The following CACNA1G variants were observed in gnomAD, a reference collection of about 807,000 sequenced individuals.
CACNA1G encodes the protein voltage-dependent T-type calcium channel subunit alpha-1G.
In CACNA1G, 67 loss-of-function variants were observed where a neutral mutation model predicts 219.4. The observed-to-expected ratio is 0.31, with a 90% CI of 0.25 to 0.37. CACNA1G has a LOEUF of 0.37. CACNA1G is among the 10% of genes least tolerant of loss of function. CACNA1G has a pLI of 1.00. For synonymous variants in CACNA1G, 1,296 were observed against 1,345.3 expected (o/e 0.96, Z 0.80); for missense variants, 2,380 against 3,231.4 (o/e 0.74, Z 6.39).
In CACNA1G at chr17:50,601,186, G is replaced by A; in HGVS notation, c.3915+12G>A. ...ACCCCCACAGCGCTGTGAGTCACCA[G>A]CCCCGCTCAGGGCAAGGCCTCTCCT... On this transcript the variant is annotated intron_variant, in intron 19 of 37. Transcript: ENST00000359106. The A allele has an allele frequency of 6.2e-7, 1 of 1,613,320 alleles. No homozygotes were observed. The highest frequency in any genetic ancestry group is 8.5e-7 in the Non-Finnish European group (1 of 1,179,792).
chr17:50,597,043 C>T (rs2045710827), intron 16 of CACNA1G, 120 bp downstream of exon 16: 7 of 932,412 alleles, frequency 7.5e-6, no homozygotes, highest in Non-Finnish European at 1.1e-5. Context: ...TGGATGGGGC[C>T]TGGGTGTGCC....
chr17:50,594,928 C>T (rs185829524), intron 13 of CACNA1G, 65 bp from the exon 14 acceptor site: 21 of 1,246,422 alleles, frequency 1.7e-5, no homozygotes, highest in Admixed American at 1.2e-4. Context: ...TCGACACTGC[C>T]GATATCTGAA....
intron 33 of CACNA1G, 104 bp from the exon 34 acceptor site, chr17:50,619,579 T>C: frequency 9.1e-7 from 1 of 1,094,810 alleles, no homozygotes; most frequent in South Asian, 1.5e-5. Flanking sequence ...CACCTCTTTC[T>C]CCTCTGTTTC....
At chr17:50,593,622 G>T (rs2044842162) in intron 13 of CACNA1G, among the ~76,000 whole-genome samples, 1 of 152,250 alleles carries the variant, frequency 6.6e-6, no homozygotes. Flanking sequence ...GGCCCTGCTG[G>T]GGGCCTGGGA....
chr17:50,613,561 G>A (rs1215223235), intron 26 of CACNA1G, among the ~76,000 whole-genome samples: 3 of 152,188 alleles, frequency 2.0e-5, no homozygotes, highest in Non-Finnish European at 4.4e-5. Flanking sequence ...CTGGGGTGAC[G>A]GGGAGAGGAG....
rs1272810978 is a variant in CACNA1G at position 50,621,912 on chromosome 17, C to T, written c.6060+118C>T. The T allele has an allele frequency of 1.8e-6, 2 of 1,125,926 alleles. No individual in the cohort carries two copies. Among genetic ancestry groups the T allele is most frequent in the Non-Finnish European group, 1.3e-6 (1 of 780,792 alleles). The allele number at this position is 1,125,926 out of a possible 1,614,324, so 69.7% of individuals were successfully genotyped here. On this transcript the variant is annotated intron_variant, in intron 35 of 37. Transcript: ENST00000359106. The surrounding 1 kb of genome is among the most constrained non-coding windows in gnomAD (Gnocchi z 4.6). ...CCTCCTCTCAGTTTGCTGCCAGGCT[C>T]CACCCAGAGGCATCAACTGTCAGGA...
chr17:50,619,124 C>T (rs1167617989), intron 33 of CACNA1G, 116 bp downstream of exon 33: 1 of 776,554 alleles, frequency 1.3e-6, no homozygotes, highest in Non-Finnish European at 2.0e-6. Flanking sequence ...CTGGAGGCTC[C>T]CGCCCTCCGT....
At chr17:50,613,994 G>A (rs978746011) in intron 26 of CACNA1G, among the ~76,000 whole-genome samples, 3 of 152,242 alleles carry the variant, frequency 2.0e-5, no homozygotes, top group Non-Finnish European at 4.4e-5. Context: ...CATGCCTAAG[G>A]CGCAGCAGAG....
At chr17:50,572,252 T>C (rs985580511) in intron 5 of CACNA1G, among the ~76,000 whole-genome samples, 2 of 152,198 alleles carry the variant, frequency 1.3e-5, no homozygotes, top group Non-Finnish European at 2.9e-5. Context: ...TTCATTGCTC[T>C]GGGGCTCAGC....
chr17:50,575,442 A>G (rs1205866313), intron 7 of CACNA1G, 101 bp from the exon 8 acceptor site: 4 of 1,167,280 alleles, frequency 3.4e-6, no homozygotes, highest in Non-Finnish European at 4.8e-6. Flanking sequence ...AAAATAACTG[A>G]GCGTGGCGCT....
rs1035947326 is a variant in CACNA1G at position 50,572,114 on chromosome 17, G to A, written c.746+77G>A. 1.2e-5 allele frequency: 18 copies of A among 1,456,352 alleles called. No individual in the cohort carries two copies. In the African/African-American group the frequency reaches 1.5e-4, roughly 12 times the overall value. The allele number at this position is 1,456,352 out of a possible 1,614,324, so 90.2% of individuals were successfully genotyped here. ...GCACCCCCCCAAGTTCCTCACTTCCGGTTGCTACTGACATATCTGTTCTAA... is the reference window on the plus strand; with the variant it reads ...GCACCCCCCCAAGTTCCTCACTTCCAGTTGCTACTGACATATCTGTTCTAA... On this transcript the variant is annotated intron_variant, in intron 5 of 37. Coordinates refer to ENST00000359106, the MANE Select transcript of CACNA1G (RefSeq NM_018896.5).
chr17:50,620,105 T>A (rs1446043003), intron 34 of CACNA1G, among the ~76,000 whole-genome samples: 1 of 147,370 alleles, frequency 6.8e-6, no homozygotes, highest in African/African-American at 2.6e-5. Context: ...TTTGTAAGAA[T>A]CTGGAAGAGA....
rs59256133 is a variant in CACNA1G at position 50,626,697 on chromosome 17, A to G, written c.7080A>G (p.Lys2360=). Residue 2360 remains lysine, a synonymous_variant, in exon 38 of 38, where the codon AAA becomes AAG. Transcript: ENST00000359106. This position sits in a 1 kb window ranked among gnomAD's most constrained non-coding sequence, Gnocchi z 4.3. ...DSMAASPSPK[K]DVLSLSGLSS... is the part of the protein sequence containing the mutation. ...TGGCTGCCTCGCCCTCCCCAAAGAA[A>G]GATGTGCTGAGTCTCTCCGGTTTAT... is the stretch of plus-strand genomic sequence containing the variant. 1,811 of 1,613,212 alleles carry G rather than the reference A, an allele frequency of 1.1e-3. 21 individuals are homozygous for G. The African/African-American group carries it at 0.021, about 19-fold the overall frequency.
chr17:50,594,698 C>T (rs1476424572), intron 13 of CACNA1G, among the ~76,000 whole-genome samples: 1 of 152,196 alleles, frequency 6.6e-6, no homozygotes, highest in Non-Finnish European at 1.5e-5. Flanking sequence ...ATGCCAGGCA[C>T]ACCCTTAATG....
rs1317094113 is a variant in CACNA1G, at chr17:50,578,796, T to TCTACC, written c.2301+234_2301+238dup. On this transcript the variant is annotated intron_variant, in intron 9 of 37. Transcript: ENST00000359106. This position sits in a 1 kb window ranked among gnomAD's most constrained non-coding sequence, Gnocchi z 4.5. Reference sequence around the variant, plus strand: ...GCCTCAGGTAGGCCACAGGGTATGTTCTACCCAGGAAGGCTGCTCAGAGGA... The same window carrying TCTACC: ...GCCTCAGGTAGGCCACAGGGTATGTTCTACCCTACCCAGGAAGGCTGCTCAGAGGA... 6.6e-6 allele frequency among the ~76,000 whole-genome samples: 1 copy of TCTACC among 152,176 alleles called. No individual in the cohort carries two copies. The highest frequency in any genetic ancestry group is 1.5e-5 in the Non-Finnish European group (1 of 68,030).
At chr17:50,608,900 C>T (rs1051889917) in intron 25 of CACNA1G, among the ~76,000 whole-genome samples, 2 of 152,142 alleles carry the variant, frequency 1.3e-5, no homozygotes, top group Admixed American at 6.5e-5. Context: ...GCGTAATCTC[C>T]GCGCCTCTCT....
At chr17:50,609,512 T>C (rs965519520) in intron 25 of CACNA1G, among the ~76,000 whole-genome samples, 1 of 151,088 alleles carries the variant, frequency 6.6e-6, no homozygotes, top group African/African-American at 2.4e-5. Flanking sequence ...GCAGATGGAA[T>C]TCTTTTGGCA....
intron 26 of CACNA1G, among the ~76,000 whole-genome samples, chr17:50,610,751 C>T (rs2049025490): frequency 6.6e-6 from 1 of 152,208 alleles, no homozygotes; most frequent in South Asian, 2.1e-4. Flanking sequence ...CTTTAGAAGG[C>T]TGTCTATGAA....
chr17:50,605,859 A>T, intron 22 of CACNA1G, 39 bp from the exon 23 acceptor site: 1 of 1,611,522 alleles, frequency 6.2e-7, no homozygotes, highest in Non-Finnish European at 8.5e-7. Flanking sequence ...TCCTGTGGTC[A>T]CAGCTCACTT....
Sources: allele counts gnomAD v4.1 joint callset (sites outside exome capture counted in the v4.1 genomes callset), GRCh38; gene constraint gnomAD v4.1.1; non-coding constraint Gnocchi (gnomAD v3.1); transcripts MANE v1.5; gene names NCBI Gene and HGNC (gene_info 2026-07-23, HGNC 2026-07-21).